Variants in IGSF21 observed in about 807,000 individuals in gnomAD.
IGSF21 encodes the protein immunoglobulin superfamily member 21.
A neutral mutation model predicts 46.8 loss-of-function variants in IGSF21; 28 were observed. The ratio of observed to expected loss-of-function variants is 0.60; its 90% CI spans 0.44 to 0.82. The LOEUF (loss-of-function observed/expected upper bound fraction) is 0.82. IGSF21 is among the 40% of genes least tolerant of loss of function. IGSF21 has a pLI of 0.00. For synonymous variants in IGSF21, 284 were observed against 273.6 expected (o/e 1.04, Z -0.38); for missense variants, 624 against 665.5 (o/e 0.94, Z 0.69).
chr1:18,143,126 C>T (rs942450460), intron 1 of IGSF21, among the ~76,000 whole-genome samples: 33 of 152,202 alleles, frequency 2.2e-4, no homozygotes, highest in African/African-American at 1.9e-4. Context: ...CCAAGGCTCC[C>T]GCAGATGAGT....
intron 2 of IGSF21, among the ~76,000 whole-genome samples, chr1:18,282,243 G>T (rs1203787934): frequency 6.6e-6 from 1 of 152,110 alleles, no homozygotes; most frequent in Non-Finnish European, 1.5e-5. Flanking sequence ...TGTTAAAAAT[G>T]CAGAATAAGG....
intron 3 of IGSF21, among the ~76,000 whole-genome samples, chr1:18,295,930 G>T (rs2085308015): frequency 6.6e-6 from 1 of 152,336 alleles, no homozygotes; most frequent in Admixed American, 6.5e-5. Flanking sequence ...CACCTCGTAT[G>T]CCCAGCTCTC....
intron 6 of IGSF21, among the ~76,000 whole-genome samples, chr1:18,367,603 C>CTTTTTTTTTTTTTTGT (rs2086179803): frequency 1.4e-5 from 1 of 73,952 alleles, no homozygotes; most frequent in African/African-American, 4.9e-5. Flanking sequence ...CTCTCTCTCT[C>CTTTTTTTTTTTTTTGT]TTTTTTTTTT....
chr1:18,218,194 G>A (rs534947808), intron 1 of IGSF21, among the ~76,000 whole-genome samples: 2 of 152,332 alleles, frequency 1.3e-5, no homozygotes, highest in South Asian at 4.1e-4. Context: ...AGAAGGTGAA[G>A]GGGAAGCAGG....
intron 1 of IGSF21, among the ~76,000 whole-genome samples, chr1:18,162,038 C>T (rs191037174): frequency 6.6e-6 from 1 of 151,788 alleles, no homozygotes; most frequent in African/African-American, 2.4e-5. Flanking sequence ...TTTCTTTTTC[C>T]TTTTCCTTTT....
chr1:18,305,851 T>C (rs976719817), intron 3 of IGSF21, among the ~76,000 whole-genome samples: 3 of 152,240 alleles, frequency 2.0e-5, no homozygotes, highest in Non-Finnish European at 4.4e-5. Context: ...GTCCTCATTT[T>C]ACAGAAAGGA....
intron 3 of IGSF21, among the ~76,000 whole-genome samples, chr1:18,305,604 A>ATGATGGATG (rs1553162276): frequency 6.9e-6 from 1 of 144,158 alleles, no homozygotes; most frequent in Admixed American, 6.9e-5. Flanking sequence ...GATGATGGAT[A>ATGATGGATG]GATGGATGGA....
chr1:18,229,322 A>G (rs2084600942), intron 2 of IGSF21, among the ~76,000 whole-genome samples: 1 of 152,196 alleles, frequency 6.6e-6, no homozygotes, highest in East Asian at 1.9e-4. Flanking sequence ...CACACAGAGC[A>G]TGGAAACTCA....
At chr1:18,174,684 C>G (rs1054348044) in intron 1 of IGSF21, among the ~76,000 whole-genome samples, 1 of 152,244 alleles carries the variant, frequency 6.6e-6, no homozygotes, top group Non-Finnish European at 1.5e-5. Flanking sequence ...CCTTCTCCCC[C>G]CAGGGAAGGA....
intron 2 of IGSF21, among the ~76,000 whole-genome samples, chr1:18,269,714 C>T (rs1242598875): frequency 1.3e-5 from 2 of 152,178 alleles, no homozygotes; most frequent in Non-Finnish European, 2.9e-5. Flanking sequence ...GCGCATCTCC[C>T]TCATCCCTCC....
intron 1 of IGSF21, among the ~76,000 whole-genome samples, chr1:18,205,660 A>G (rs1435786710): frequency 1.3e-5 from 2 of 152,192 alleles, no homozygotes; most frequent in Admixed American, 6.5e-5. Context: ...CTCAGCTGAA[A>G]CCCTGGAGTC....
Position 18,378,271 on chromosome 1 carries a change from C to A in IGSF21, c.1349C>A (p.Thr450Asn), listed in dbSNP as rs537868676. 2.0e-5 allele frequency: 32 copies of A among 1,614,046 alleles called. No homozygotes were observed. The South Asian group carries it at 3.3e-4, about 17-fold the overall frequency. The change falls in exon 10 of 10, where the codon ACT becomes AAT. Residue 450 changes from threonine (T) to asparagine (N), a missense_variant. By Grantham distance (65) the Thr-to-Asn change is moderately conservative. Transcript: ENST00000251296. Reference protein sequence around the residue: ...TEDSNGSIGPTGARLTLVLAL... With the variant: ...TEDSNGSIGPNGARLTLVLAL... ...CCTGGCACAGGTTCCATTGGCCCCA[C>A]TGGTGCCCGGCTCACCTTGGTGCTC...
At chr1:18,112,832 G>C (rs2086155408) in intron 1 of IGSF21, 1 of 152,230 alleles carries the variant, frequency 6.6e-6, no homozygotes, top group Non-Finnish European at 1.5e-5. Context: ...ATCTGCTGTG[G>C]GCAGGGCACA....
At chr1:18,258,199 G>C (rs1275190609) in intron 2 of IGSF21, among the ~76,000 whole-genome samples, 1 of 152,140 alleles carries the variant, frequency 6.6e-6, no homozygotes, top group African/African-American at 2.4e-5. Context: ...AGAGGGAAAG[G>C]GGTTCCCTTC....
intron 2 of IGSF21, among the ~76,000 whole-genome samples, chr1:18,287,895 T>C (rs548263514): frequency 1.4e-4 from 22 of 152,318 alleles, no homozygotes; most frequent in African/African-American, 5.3e-4. Flanking sequence ...TCCTCTGGCA[T>C]TTTAGCAAGA....
At chr1:18,280,966 C>T (rs2085153053) in intron 2 of IGSF21, among the ~76,000 whole-genome samples, 1 of 152,194 alleles carries the variant, frequency 6.6e-6, no homozygotes. Flanking sequence ...GTGCCATTTC[C>T]ACTCCATGTC....
intron 4 of IGSF21, among the ~76,000 whole-genome samples, chr1:18,357,010 G>A (rs2086025869): frequency 6.6e-6 from 1 of 151,828 alleles, no homozygotes; most frequent in African/African-American, 2.4e-5. Flanking sequence ...TGGAGATGGG[G>A]ATAGAAATAG....
At position 18,225,085 on chromosome 1, in the gene IGSF21, T is replaced by TCACACACACA. The variant is rs529286231; in HGVS notation, c.71-2778_71-2769dup. Among the ~76,000 whole-genome samples the TCACACACACA allele has an allele frequency of 4.1e-3, 211 of 51,508 alleles. 2 individuals are homozygous for TCACACACACA. In the Middle Eastern group the frequency reaches 0.049, roughly 12 times the overall value. The allele number at this position is 51,508 out of a possible 152,430, so 33.8% of individuals were successfully genotyped here. ...GTATCTCTCTCTCTCTCTCTCTCTC[T>TCACACACACA]CACACACACACACACACACACACAC... is the stretch of plus-strand genomic sequence containing the variant. On this transcript the variant is annotated intron_variant, in intron 1 of 9. Transcript: ENST00000251296.
At chr1:18,320,906 G>C (rs1174200987) in intron 3 of IGSF21, among the ~76,000 whole-genome samples, 1 of 152,162 alleles carries the variant, frequency 6.6e-6, no homozygotes, top group Non-Finnish European at 1.5e-5. Context: ...TCCATCTCAG[G>C]CTTTGAGGAT....
Sources: allele counts gnomAD v4.1 joint callset (sites outside exome capture counted in the v4.1 genomes callset), GRCh38; gene constraint gnomAD v4.1.1; transcripts MANE v1.5; gene names NCBI Gene and HGNC (gene_info 2026-07-23, HGNC 2026-07-21).